Variants in LDB2 observed in about 807,000 individuals in gnomAD.
The protein encoded by LDB2 is LIM domain binding 2.
In LDB2, 12 loss-of-function variants were observed where a neutral mutation model predicts 44.3. The ratio of observed to expected loss-of-function variants is 0.27; its 90% CI spans 0.17 to 0.44. LDB2 has a LOEUF of 0.44. LDB2 is among the 20% of genes least tolerant of loss of function. LDB2 has a pLI of 1.00. For synonymous variants in LDB2, 164 were observed against 174.8 expected (o/e 0.94, Z 0.49); for missense variants, 344 against 473.5 (o/e 0.73, Z 2.54).
At chr4:16,781,483 A>C (rs1773216520) in intron 1 of LDB2, among the ~76,000 whole-genome samples, 1 of 152,038 alleles carries the variant, frequency 6.6e-6, no homozygotes. Context: ...AGTGAGGAGG[A>C]TTACCAGCCA....
At chr4:16,611,554 G>T (rs564646442) in intron 2 of LDB2, among the ~76,000 whole-genome samples, 1 of 145,810 alleles carries the variant, frequency 6.9e-6, no homozygotes, top group African/African-American at 2.5e-5. Flanking sequence ...AAAAAAAGCA[G>T]GGATTGCAAT....
At chr4:16,739,020 AAGAG>A (rs1309506693) in intron 2 of LDB2, among the ~76,000 whole-genome samples, 1 of 152,152 alleles carries the variant, frequency 6.6e-6, no homozygotes, top group African/African-American at 2.4e-5. Context: ...TTAGGAAAGA[AAGAG>A]AGAGAGAAAC....
At chr4:16,754,537 T>TA (rs1231325087) in intron 2 of LDB2, among the ~76,000 whole-genome samples, 1 of 152,042 alleles carries the variant, frequency 6.6e-6, no homozygotes, top group East Asian at 1.9e-4. Context: ...TTTTTTTTTT[T>TA]TTTTTATTGA....
At chr4:16,861,189 C>A (rs1173726590) in intron 1 of LDB2, among the ~76,000 whole-genome samples, 1 of 152,176 alleles carries the variant, frequency 6.6e-6, no homozygotes, top group East Asian at 1.9e-4. Flanking sequence ...AAGTCAAGCA[C>A]AGGCTTACCA....
At chr4:16,571,402 C>T (rs922344281) in intron 5 of LDB2, among the ~76,000 whole-genome samples, 28 of 151,870 alleles carry the variant, frequency 1.8e-4, no homozygotes, top group African/African-American at 6.5e-4. Context: ...TATGCTTAAG[C>T]CCTGAGTAGT....
At chr4:16,536,675 G>A (rs1379906757) in intron 5 of LDB2, among the ~76,000 whole-genome samples, 2 of 152,202 alleles carry the variant, frequency 1.3e-5, no homozygotes, top group Non-Finnish European at 2.9e-5. Context: ...CCACCGTTGG[G>A]AATCACATGA....
intron 1 of LDB2, among the ~76,000 whole-genome samples, chr4:16,768,017 T>C (rs1470926777): frequency 6.6e-6 from 1 of 152,214 alleles, no homozygotes; most frequent in African/African-American, 2.4e-5. Context: ...GTGCCAGGGC[T>C]GCCCCTCGGC....
chr4:16,640,348 T>C (rs1435635042), intron 2 of LDB2, among the ~76,000 whole-genome samples: 1 of 152,200 alleles, frequency 6.6e-6, no homozygotes, highest in Non-Finnish European at 1.5e-5. Flanking sequence ...TGGAAATTCC[T>C]TAGATAGTTA....
At chr4:16,657,234 A>C (rs1047306816) in intron 2 of LDB2, among the ~76,000 whole-genome samples, 2 of 152,214 alleles carry the variant, frequency 1.3e-5, no homozygotes, top group Non-Finnish European at 1.5e-5. Context: ...GTTACTAAAA[A>C]ATTTAAAATT....
chr4:16,664,903 C>T lies in LDB2; in HGVS notation c.236-69028G>A, dbSNP rs947505297. Among the ~76,000 whole-genome samples the T allele has an allele frequency of 4.6e-5, 7 of 152,192 alleles. No homozygotes were observed. The East Asian group carries it at 9.6e-4, about 21-fold the overall frequency. Reference sequence around the variant, plus strand: ...AGGGAGAGGGTAGATGAACAGAAAACACACAGGAACCTCCAAAGCTCCTAT... The same window carrying T: ...AGGGAGAGGGTAGATGAACAGAAAATACACAGGAACCTCCAAAGCTCCTAT... On this transcript the variant is annotated intron_variant, in intron 2 of 7. Transcript: ENST00000304523.
At chr4:16,644,429 CTTTTTTT>C (rs1182465425) in intron 2 of LDB2, among the ~76,000 whole-genome samples, 2 of 139,110 alleles carry the variant, frequency 1.4e-5, no homozygotes, top group Admixed American at 7.2e-5. Flanking sequence ...ATTTTTTTTT[CTTTTTTT>C]TTTTTTTTGA....
chr4:16,883,040 C>T (rs751870904), intron 1 of LDB2, among the ~76,000 whole-genome samples: 7 of 152,168 alleles, frequency 4.6e-5, no homozygotes, highest in Non-Finnish European at 7.3e-5. Context: ...AACCATCGAG[C>T]CTTCCTTTAT....
chr4:16,823,622 C>T (rs1047804150), intron 1 of LDB2, among the ~76,000 whole-genome samples: 4 of 152,138 alleles, frequency 2.6e-5, no homozygotes, highest in Non-Finnish European at 5.9e-5. Context: ...TACCAGGCTT[C>T]GTAATTACCT....
chr4:16,808,886 G>A (rs1025507622), intron 1 of LDB2, among the ~76,000 whole-genome samples: 3 of 152,154 alleles, frequency 2.0e-5, no homozygotes, highest in Non-Finnish European at 4.4e-5. Context: ...AAAATCTGTG[G>A]TCCCCTTGCA....
chr4:16,505,263 G>A (rs1718896647), intron 7 of LDB2, among the ~76,000 whole-genome samples: 1 of 152,076 alleles, frequency 6.6e-6, no homozygotes, highest in Non-Finnish European at 1.5e-5. Context: ...GTTTTTAAAT[G>A]TACTAAATTT....
chr4:16,683,917 G>T (rs961201594), intron 2 of LDB2, among the ~76,000 whole-genome samples: 10 of 152,166 alleles, frequency 6.6e-5, no homozygotes, highest in Non-Finnish European at 1.0e-4. Flanking sequence ...AGAGAAGAAG[G>T]CTCACCTGCT....
chr4:16,700,275 T>C (rs921598122), intron 2 of LDB2, among the ~76,000 whole-genome samples: 4 of 151,242 alleles, frequency 2.6e-5, no homozygotes, highest in African/African-American at 9.9e-5. Flanking sequence ...TTGGCAATTC[T>C]AATAAATGGT....
intron 1 of LDB2, among the ~76,000 whole-genome samples, chr4:16,795,066 C>T (rs1776471004): frequency 6.6e-6 from 1 of 152,270 alleles, no homozygotes; most frequent in East Asian, 1.9e-4. Flanking sequence ...GGAAGACATG[C>T]TTGAAAATAG....
intron 4 of LDB2, among the ~76,000 whole-genome samples, chr4:16,587,528 G>A (rs974595158): frequency 6.6e-6 from 1 of 152,154 alleles, no homozygotes; most frequent in African/African-American, 2.4e-5. Flanking sequence ...AGAGAGTGGA[G>A]AATGTAAACT....
Sources: gnomAD v4.1 joint callset for allele counts (sites outside exome capture counted in the v4.1 genomes callset) on GRCh38, gnomAD v4.1.1 for gene constraint, MANE v1.5 for transcripts, NCBI Gene and HGNC (gene_info 2026-07-23, HGNC 2026-07-21) for gene names.